Variants in ZFP1 observed in about 807,000 individuals in gnomAD.
ZFP1 encodes the protein ZFP1 zinc finger protein, also known as zinc finger protein 1 homolog.
Under a neutral mutation model 38.5 loss-of-function variants are expected in ZFP1, and 32 were observed. The ratio of observed to expected loss-of-function variants is 0.83; its 90% confidence interval spans 0.63 to 1.12. The LOEUF is 1.12. Ranked by LOEUF, ZFP1 falls within the 50% of genes most tolerant of loss-of-function variation. The probability of loss-of-function intolerance (pLI) is 0.00; values close to 1 mark genes in which losing one functional copy is unlikely to be tolerated. For missense variants in ZFP1, 616 were observed against 480.8 expected (o/e 1.28, Z -2.63); for synonymous variants, 245 against 168.8 (o/e 1.45, Z -3.50).
chr16:75,152,879 A>G lies in ZFP1; in HGVS notation c.-43-30A>G, dbSNP rs2037277869. 1.6e-5 allele frequency: 25 copies of G among 1,602,652 alleles called. No homozygotes were observed. The South Asian group carries it at 2.8e-4, about 18-fold the overall frequency. ...TTGTAAGGCAGGTCAGACCTTTAAT[A>G]ACAATGCCTTCCTTTTTCCTCTATT... On this transcript the variant is annotated intron_variant, in intron 1 of 3. Transcript: ENST00000570010.
chr16:75,140,756 G>A, the ZFP1 span, among the ~76,000 whole-genome samples: 15 of 152,158 alleles, frequency 9.9e-5, no homozygotes, highest in Admixed American at 2.0e-4. Flanking sequence ...TCAGGAGATC[G>A]AGACCATCCT....
upstream of ZFP1, chr16:75,144,247 A>G (rs1438571007): frequency 2.0e-5 from 3 of 152,160 alleles, no homozygotes; most frequent in African/African-American, 7.2e-5. Context: ...TTCTCTTCGT[A>G]TAGTTCAGTG....
intron 1 of ZFP1, among the ~76,000 whole-genome samples, chr16:75,150,410 G>T (rs1234095504): frequency 3.3e-5 from 5 of 151,178 alleles, no homozygotes; most frequent in Non-Finnish European, 7.4e-5. Flanking sequence ...TAGTAGAGAC[G>T]GGGTTTCACC....
chr16:75,145,491 T>C (rs759721938), upstream of ZFP1, among the ~76,000 whole-genome samples: 15 of 152,184 alleles, frequency 9.9e-5, no homozygotes, highest in Non-Finnish European at 2.2e-4. Flanking sequence ...GCCTGTACGT[T>C]GCCTTTTCCA....
At chr16:75,150,800 T>C (rs1375786469) in intron 1 of ZFP1, among the ~76,000 whole-genome samples, 5 of 152,188 alleles carry the variant, frequency 3.3e-5, no homozygotes, top group Non-Finnish European at 5.9e-5. Context: ...GAATAAATAT[T>C]GTGCTGTTGA....
Position 75,170,494 on chromosome 16 carries a change from G to C in ZFP1, c.*160G>C, listed in dbSNP as rs550830757. Reference sequence around the variant, plus strand: ...TAGGATCCCATGAGAACATTATACTGGAAGTTACATGTGATACCCAGCTAA... The same window carrying C: ...TAGGATCCCATGAGAACATTATACTCGAAGTTACATGTGATACCCAGCTAA... On this transcript the variant is annotated 3_prime_UTR_variant, in exon 4 of 4. Transcript: ENST00000570010. 3.4e-5 allele frequency: 37 copies of C among 1,090,114 alleles called. No individual in the cohort carries two copies. Among genetic ancestry groups the C allele is most frequent in the South Asian group, 8.1e-5 (3 of 36,862 alleles). 67.5% of individuals were successfully genotyped at this position (1,090,114 alleles called of 1,614,324 possible).
chr16:75,148,416 G>C (rs2036987385), upstream of ZFP1: 1 of 152,284 alleles, frequency 6.6e-6, no homozygotes, highest in South Asian at 2.1e-4. Context: ...CCGGAGGCTT[G>C]TGGGAAATGT....
chr16:75,162,494 T>A (rs143708275), intron 2 of ZFP1, among the ~76,000 whole-genome samples: 141 of 152,322 alleles, frequency 9.3e-4, no homozygotes, highest in African/African-American at 3.4e-3. Flanking sequence ...CGTTTCCATG[T>A]ATTGTGTATG....
At chr16:75,163,339 C>T (rs544442074) in intron 2 of ZFP1, among the ~76,000 whole-genome samples, 10 of 152,106 alleles carry the variant, frequency 6.6e-5, no homozygotes, top group Admixed American at 6.6e-4. Context: ...CATTCTTGCT[C>T]TGTTGCCCAG....
Position 75,152,921 on chromosome 16 carries a change from A to T in ZFP1, c.-31A>T, listed in dbSNP as rs907020869. ...TCCTCTATTCCAGTTCTGCCTTCAT[A>T]GTTCTCTGCCTTTGCCCAAAACTGC... On this transcript the variant is annotated 5_prime_UTR_variant, in exon 2 of 4. Transcript: ENST00000570010. 1.2e-5 allele frequency: 19 copies of T among 1,613,264 alleles called. No individual in the cohort carries two copies. The highest frequency in any genetic ancestry group is 1.5e-5 in the Non-Finnish European group (18 of 1,179,718).
chr16:75,147,951 G>A (rs968693105), upstream of ZFP1, among the ~76,000 whole-genome samples: 3 of 152,156 alleles, frequency 2.0e-5, no homozygotes, highest in Non-Finnish European at 2.9e-5. Context: ...TGATGCACAT[G>A]TTAATTAGCT....
upstream of ZFP1, among the ~76,000 whole-genome samples, chr16:75,147,154 G>A (rs1012241349): frequency 6.6e-6 from 1 of 152,110 alleles, no homozygotes; most frequent in African/African-American, 2.4e-5. Context: ...GAGCACAGAT[G>A]ATTTTTTGGG....
At position 75,166,766 on chromosome 16, in the gene ZFP1, T is replaced by G; in HGVS notation, c.16-4T>G. 2 of 1,614,218 alleles carry G rather than the reference T, an allele frequency of 1.2e-6. No homozygotes were observed. The highest frequency in any genetic ancestry group is 2.7e-5 in the African/African-American group (2 of 75,064). On this transcript the variant is annotated splice_region_variant and splice_polypyrimidine_tract_variant and intron_variant, in intron 2 of 3. Coordinates refer to ENST00000570010, the MANE Select transcript of ZFP1 (RefSeq NM_153688.4). ...TTAGGATGAATAACAATATGCCATT[T>G]CAGGGATCAGTTTCATTCACGGATG... is the stretch of plus-strand genomic sequence containing the variant.
the ZFP1 span, among the ~76,000 whole-genome samples, chr16:75,137,786 G>A: frequency 2.0e-5 from 3 of 151,890 alleles, no homozygotes; most frequent in African/African-American, 4.8e-5. Context: ...CCTTTAATGA[G>A]CTGCATGCAG....
the ZFP1 span, chr16:75,132,399 G>C: frequency 6.6e-6 from 1 of 152,030 alleles, no homozygotes; most frequent in South Asian, 2.1e-4. Context: ...AATGAAGCAG[G>C]GTCATTTGTT....
chr16:75,159,852 T>C (rs2037676210), intron 2 of ZFP1, among the ~76,000 whole-genome samples: 1 of 152,340 alleles, frequency 6.6e-6, no homozygotes, highest in South Asian at 2.1e-4. Flanking sequence ...GGGGCATGTT[T>C]TAAGATTTGC....
chr16:75,142,525 C>G, the ZFP1 span, among the ~76,000 whole-genome samples: 1 of 152,144 alleles, frequency 6.6e-6, no homozygotes, highest in African/African-American at 2.4e-5. Flanking sequence ...TCTGAGCTTG[C>G]TAGCTCCCAA....
At position 75,169,516 on chromosome 16, in the gene ZFP1, G is replaced by C. The variant is rs770803486; in HGVS notation, c.406G>C (p.Glu136Gln). Residue 136 changes from glutamate to glutamine, a missense_variant, in exon 4 of 4, where the codon GAA becomes CAA. Glu to Gln is a conservative substitution (Grantham distance 29, BLOSUM62 2). Coordinates refer to ENST00000570010, the MANE Select transcript of ZFP1 (RefSeq NM_153688.4). ...YAGKQTDECN[E>Q]FGKALLYLKQ... The stretch of plus-strand genomic sequence containing the variant: ...AGGAAAGCAGACTGATGAGTGTAAT[G>C]AATTTGGAAAAGCACTTCTCTACCT... The C allele has an allele frequency of 1.2e-6, 2 of 1,613,088 alleles. No individual in the cohort carries two copies. The highest frequency in any genetic ancestry group is 8.5e-7 in the Non-Finnish European group (1 of 1,179,868).
the ZFP1 span, among the ~76,000 whole-genome samples, chr16:75,120,577 TTTTTTTG>T: frequency 1.3e-5 from 2 of 151,038 alleles, no homozygotes; most frequent in Middle Eastern, 3.4e-3. Context: ...TACCCTTGGG[TTTTTTTG>T]TTTTTTGTTT....
Sources: gnomAD v4.1 joint callset for allele counts (sites outside exome capture counted in the v4.1 genomes callset) on GRCh38, gnomAD v4.1.1 for gene constraint, MANE v1.5 for transcripts, NCBI Gene and HGNC (gene_info 2026-07-23, HGNC 2026-07-21) for gene names.